Variants in PCBD2 observed in about 807,000 individuals in gnomAD.
PCBD2 encodes the protein pterin-4 alpha-carbinolamine dehydratase 2.
PCBD2 carries 12 observed loss-of-function variants against 16.4 expected under a neutral mutation model. The ratio of observed to expected loss-of-function variants is 0.73; its 90% CI spans 0.47 to 1.19. The LOEUF (loss-of-function observed/expected upper bound fraction) is 1.19, where lower values mean the gene tolerates loss of function less well. Among genes scored for constraint, PCBD2 ranks in the 50% most tolerant of loss-of-function variants. PCBD2 has a pLI of 0.00. For missense variants in PCBD2, 138 were observed against 156.8 expected (o/e 0.88, Z 0.64); for synonymous variants, 58 against 61.8 (o/e 0.94, Z 0.29).
intron 2 of PCBD2, chr5:134,926,960 T>C (rs878916272): frequency 5.0e-6 from 2 of 398,324 alleles, no homozygotes; most frequent in Non-Finnish European, 8.8e-6. Context: ...TTGCTAGAAG[T>C]CATCAAAAGG....
At position 134,910,373 on chromosome 5, in the gene PCBD2, C is replaced by A; in HGVS notation, c.123C>A (p.Asn41Lys). ...ACAGGTTGACTGCAGAGGAGAGGAA[C>A]CAAGCTATACTTGACCTTAAAGCAG... ...GTHRLTAEER[N>K]QAILDLKAAG... The change falls in exon 2 of 4, where the codon AAC (asparagine) becomes AAA (lysine). Residue 41 changes from asparagine to lysine, a missense_variant. By Grantham distance (94) the Asn-to-Lys change is moderately conservative. Coordinates refer to ENST00000254908, the MANE Select transcript of PCBD2 (RefSeq NM_032151.5). The A allele has an allele frequency of 6.2e-7, 1 of 1,613,974 alleles. No individual in the cohort carries two copies. The highest frequency in any genetic ancestry group is 8.5e-7 in the Non-Finnish European group (1 of 1,179,846).
At chr5:134,918,688 GT>G (rs936735014) in intron 2 of PCBD2, among the ~76,000 whole-genome samples, 1 of 152,144 alleles carries the variant, frequency 6.6e-6, no homozygotes, top group Non-Finnish European at 1.5e-5. Flanking sequence ...AGTGTTCATA[GT>G]TTTCATTGGA....
chr5:134,954,928 G>A (rs1751397808), intron 2 of PCBD2, among the ~76,000 whole-genome samples: 1 of 151,882 alleles, frequency 6.6e-6, no homozygotes. Context: ...TTTTAGTAGA[G>A]ATGGGGTTTC....
intron 2 of PCBD2, among the ~76,000 whole-genome samples, chr5:134,943,827 A>G (rs1422598483): frequency 6.6e-6 from 1 of 152,150 alleles, no homozygotes; most frequent in Non-Finnish European, 1.5e-5. Context: ...CAGTGGAGGG[A>G]TCCTATTTTA....
At chr5:134,915,817 C>T (rs1364459652) in intron 2 of PCBD2, among the ~76,000 whole-genome samples, 1 of 152,128 alleles carries the variant, frequency 6.6e-6, no homozygotes, top group Non-Finnish European at 1.5e-5. Flanking sequence ...ACATATCTCC[C>T]TTGCTGCAAC....
At chr5:134,933,689 A>C (rs1038465081) in intron 2 of PCBD2, among the ~76,000 whole-genome samples, 3 of 152,228 alleles carry the variant, frequency 2.0e-5, no homozygotes, top group African/African-American at 7.2e-5. Context: ...TAATGCTGTC[A>C]GTTGGACACA....
chr5:134,941,142 A>G (rs1751223144), intron 2 of PCBD2, among the ~76,000 whole-genome samples: 1 of 149,744 alleles, frequency 6.7e-6, no homozygotes, highest in East Asian at 2.0e-4. Context: ...AAAAAAAAAG[A>G]ACTTGGTTCC....
At chr5:134,953,142 T>G (rs1271461547) in intron 2 of PCBD2, among the ~76,000 whole-genome samples, 2 of 151,982 alleles carry the variant, frequency 1.3e-5, no homozygotes, top group Non-Finnish European at 2.9e-5. Flanking sequence ...ATTTATGTTC[T>G]TTACATTTAT....
chr5:134,921,690 C>G (rs928811382), intron 2 of PCBD2, among the ~76,000 whole-genome samples: 1 of 152,130 alleles, frequency 6.6e-6, no homozygotes, highest in African/African-American at 2.4e-5. Context: ...CTCTCAAGCA[C>G]CTAGACCTGA....
At chr5:134,917,284 C>T (rs959521370) in intron 2 of PCBD2, among the ~76,000 whole-genome samples, 7 of 152,246 alleles carry the variant, frequency 4.6e-5, no homozygotes, top group Non-Finnish European at 8.8e-5. Context: ...GGAGCCCAGC[C>T]GGGCCAGGCG....
chr5:134,918,824 G>C (rs1335256337), intron 2 of PCBD2, among the ~76,000 whole-genome samples: 1 of 152,222 alleles, frequency 6.6e-6, no homozygotes, highest in East Asian at 1.9e-4. Context: ...CCACGCTGAT[G>C]CTCCCAGGAG....
intron 2 of PCBD2, among the ~76,000 whole-genome samples, chr5:134,933,446 G>A (rs7341127): frequency 6.6e-6 from 1 of 152,060 alleles, no homozygotes; most frequent in Non-Finnish European, 1.5e-5. Context: ...ATATTGCGCA[G>A]GCTGGTCTTG....
chr5:134,912,560 A>G (rs1047191175), intron 2 of PCBD2, among the ~76,000 whole-genome samples: 4 of 152,240 alleles, frequency 2.6e-5, no homozygotes, highest in African/African-American at 9.6e-5. Flanking sequence ...AATCGTATCT[A>G]TAGGGAGAGT....
At chr5:134,909,686 G>T (rs1750743775) in intron 1 of PCBD2, among the ~76,000 whole-genome samples, 1 of 152,158 alleles carries the variant, frequency 6.6e-6, no homozygotes, top group South Asian at 2.1e-4. Context: ...TTTAATTCTG[G>T]TCCTGCCAAT....
Position 134,905,233 on chromosome 5 carries a change from C to A in PCBD2, c.84+10C>A. 8.2e-7 allele frequency: 1 copy of A among 1,223,178 alleles called. No homozygotes were observed. Among genetic ancestry groups the A allele is most frequent in the Non-Finnish European group, 1.0e-6 (1 of 982,692 alleles). 75.8% of individuals were successfully genotyped at this position (1,223,178 alleles called of 1,614,324 possible). A position where few individuals can be genotyped will look rare whatever the true frequency, so the allele number is the denominator to read the frequency against. ...AGGGCTAGCGGCCATGGTGAGTGCA[C>A]AGCGGCCGCGTGGGTGGGGGTCCGG... On this transcript the variant is annotated intron_variant, in intron 1 of 3. Transcript: ENST00000254908.
At chr5:134,926,006 A>G in intron 2 of PCBD2, 1 of 383,188 alleles carries the variant, frequency 2.6e-6, no homozygotes, top group Non-Finnish European at 4.6e-6. Flanking sequence ...ATGAGTAAAA[A>G]GGATATAATT....
intron 2 of PCBD2, among the ~76,000 whole-genome samples, chr5:134,916,517 G>A (rs1462981024): frequency 6.6e-6 from 1 of 152,122 alleles, no homozygotes; most frequent in African/African-American, 2.4e-5. Context: ...TATGAAAAAT[G>A]AACTATTTTG....
intron 2 of PCBD2, among the ~76,000 whole-genome samples, chr5:134,917,763 G>A (rs1188377798): frequency 6.6e-6 from 1 of 152,228 alleles, no homozygotes; most frequent in Non-Finnish European, 1.5e-5. Flanking sequence ...GGTTGGTGGT[G>A]CTCTGCACAT....
At chr5:134,910,096 A>C (rs1440186919) in intron 1 of PCBD2, among the ~76,000 whole-genome samples, 1 of 152,092 alleles carries the variant, frequency 6.6e-6, no homozygotes, top group African/African-American at 2.4e-5. Context: ...CAACCAGAGA[A>C]GCTGAATTGT....
Sources: gnomAD v4.1 joint callset for allele counts (sites outside exome capture counted in the v4.1 genomes callset) on GRCh38, gnomAD v4.1.1 for gene constraint, MANE v1.5 for transcripts, NCBI Gene and HGNC (gene_info 2026-07-23, HGNC 2026-07-21) for gene names.